The following PRDM11 variants were observed in gnomAD, a reference collection of about 807,000 sequenced individuals.
PRDM11 encodes PR domain-containing protein 11.
Under a neutral mutation model 97.8 loss-of-function variants are expected in PRDM11, and 20 were observed. The ratio of observed to expected loss-of-function variants is 0.20; its 90% CI spans 0.14 to 0.30. The LOEUF (loss-of-function observed/expected upper bound fraction) is 0.30, where lower values mean the gene tolerates loss of function less well. Among genes scored for constraint, PRDM11 ranks in the 10% least tolerant of loss-of-function variants. PRDM11 has a pLI of 1.00. For missense variants in PRDM11, 1,139 were observed against 1,555.2 expected (o/e 0.73, Z 4.50); for synonymous variants, 599 against 637.7 (o/e 0.94, Z 0.91).
rs74473108 is a variant in PRDM11, at chr11:45,191,651, T to C, written c.486+8528T>C. 7.1e-3 allele frequency among the ~76,000 whole-genome samples: 1,079 copies of C among 152,180 alleles called. 12 individuals carry two copies. The highest frequency in any genetic ancestry group is 0.025 in the African/African-American group (1,029 of 41,512). ...CACATCCCCATCATTATTTTAGCAC[T>C]TTTTCCTTACTTTCTGGCACAAAAA... On this transcript the variant is annotated intron_variant, in intron 4 of 7. Coordinates refer to ENST00000683152, the MANE Select transcript of PRDM11 (RefSeq NM_001384648.1).
intron 4 of PRDM11, among the ~76,000 whole-genome samples, chr11:45,191,509 A>T (rs1356131223): frequency 1.6e-4 from 24 of 152,100 alleles, no homozygotes; most frequent in Admixed American, 1.6e-3. Flanking sequence ...TATGAACATG[A>T]ATTCTTTTTT....
intron 4 of PRDM11, among the ~76,000 whole-genome samples, chr11:45,199,332 A>T (rs949008414): frequency 2.0e-5 from 3 of 152,156 alleles, no homozygotes; most frequent in Non-Finnish European, 4.4e-5. Context: ...TTCTTGTCCT[A>T]TCTTAGGACT....
In PRDM11 at chr11:45,229,965, T is replaced by C. The variant is rs1590488555; in HGVS notation, c.*1806T>C. 3 of 152,204 alleles carry C rather than the reference T, an allele frequency of 2.0e-5. No homozygotes were observed. The highest frequency in any genetic ancestry group is 3.9e-4 in the East Asian group (2 of 5,166). 9.4% of individuals were successfully genotyped at this position (152,204 alleles called of 1,614,324 possible). On this transcript the variant is annotated 3_prime_UTR_variant, in exon 8 of 8. Coordinates refer to ENST00000683152, the MANE Select transcript of PRDM11 (RefSeq NM_001384648.1). ...GGCCTCATGCCACCGTTGAGAACCA[T>C]AGTGGAAATGTCATCAACACTGAAC... is the stretch of plus-strand genomic sequence containing the variant.
upstream of PRDM11, among the ~76,000 whole-genome samples, chr11:45,144,994 C>T (rs766958432): frequency 6.6e-6 from 1 of 152,080 alleles, no homozygotes; most frequent in Non-Finnish European, 1.5e-5. Context: ...CCCCAACCCC[C>T]GTCCCCCAGT....
intron 4 of PRDM11, among the ~76,000 whole-genome samples, chr11:45,188,574 G>T (rs1032099632): frequency 6.6e-6 from 1 of 152,212 alleles, no homozygotes. Flanking sequence ...CTGACTTTGG[G>T]CAGAGTGGTA....
At position 45,148,079 on chromosome 11, in the gene PRDM11, G is replaced by A. The variant is rs139267409; in HGVS notation, c.-7+1202G>A. On this transcript the variant is annotated intron_variant, in intron 1 of 7. Coordinates refer to ENST00000683152, the MANE Select transcript of PRDM11 (RefSeq NM_001384648.1). The stretch of plus-strand genomic sequence containing the variant: ...CTAGGGTCATTGTTGGAGGTGTAGG[G>A]TCGTAGTTGGGGAGCAGGGCACAGT... 9.3e-4 allele frequency among the ~76,000 whole-genome samples: 141 copies of A among 152,228 alleles called. 1 individual carries two copies. The highest frequency in any genetic ancestry group is 1.8e-3 in the Non-Finnish European group (123 of 68,006).
chr11:45,183,253 G>GGATCTTGCT, intron 4 of PRDM11, 130 bp downstream of exon 4: 1 of 1,255,952 alleles, frequency 8.0e-7, no homozygotes, highest in Non-Finnish European at 1.1e-6. Context: ...TGTCGATGAT[G>GGATCTTGCT]GATCTTGCTG....
At chr11:45,133,495 C>T (rs752297519) in intron 1 of PRDM11, among the ~76,000 whole-genome samples, 4 of 152,214 alleles carry the variant, frequency 2.6e-5, no homozygotes, top group Non-Finnish European at 5.9e-5. Flanking sequence ...AGACATATTT[C>T]TGATGATATT....
intron 1 of PRDM11, among the ~76,000 whole-genome samples, chr11:45,171,988 C>G (rs1852213320): frequency 6.6e-6 from 1 of 152,200 alleles, no homozygotes; most frequent in Non-Finnish European, 1.5e-5. Context: ...ACAAGACTGC[C>G]CTCAATTCAG....
intron 1 of PRDM11, among the ~76,000 whole-genome samples, chr11:45,125,689 A>T (rs1852552699): frequency 6.6e-6 from 1 of 152,170 alleles, no homozygotes; most frequent in Non-Finnish European, 1.5e-5. Context: ...GTTTGATTGC[A>T]CTGTGGTTTG....
intron 5 of PRDM11, among the ~76,000 whole-genome samples, chr11:45,210,357 C>G (rs948235580): frequency 6.6e-6 from 1 of 152,228 alleles, no homozygotes; most frequent in East Asian, 1.9e-4. Flanking sequence ...CCCCAGCGGC[C>G]GAGGCGGGTG....
At chr11:45,157,715 C>T (rs1851835102) in intron 1 of PRDM11, among the ~76,000 whole-genome samples, 2 of 152,234 alleles carry the variant, frequency 1.3e-5, no homozygotes. Context: ...CATGGCCTTT[C>T]CAGGCTGGCC....
chr11:45,118,000 C>T (rs1852340528), intron 1 of PRDM11, among the ~76,000 whole-genome samples: 1 of 151,894 alleles, frequency 6.6e-6, no homozygotes, highest in Admixed American at 6.6e-5. Flanking sequence ...TGATTTTCCA[C>T]CCAATAAACC....
intron 1 of PRDM11, among the ~76,000 whole-genome samples, chr11:45,153,118 A>G (rs1851701213): frequency 6.6e-6 from 1 of 152,256 alleles, no homozygotes; most frequent in Non-Finnish European, 1.5e-5. Flanking sequence ...AGCGAAGGTC[A>G]GAGCAGATGG....
chr11:45,181,716 T>C (rs1438378792), intron 1 of PRDM11, 45 bp from the exon 2 acceptor site: 1 of 1,546,828 alleles, frequency 6.5e-7, no homozygotes, highest in Non-Finnish European at 8.9e-7. Flanking sequence ...CTTCCCCTGT[T>C]TCTTTGATCC....
chr11:45,197,021 G>A (rs958665590), intron 4 of PRDM11, among the ~76,000 whole-genome samples: 8 of 150,798 alleles, frequency 5.3e-5, no homozygotes, highest in African/African-American at 1.7e-4. Flanking sequence ...ATCACAGCCA[G>A]CTTTAGTATC....
chr11:45,210,208 T>C (rs1853676378), intron 5 of PRDM11, among the ~76,000 whole-genome samples: 1 of 152,178 alleles, frequency 6.6e-6, no homozygotes, highest in African/African-American at 2.4e-5. Context: ...TGCCCCCACT[T>C]TTCTGTGTGC....
intron 1 of PRDM11, among the ~76,000 whole-genome samples, chr11:45,123,418 C>T (rs201231177): frequency 6.6e-6 from 1 of 150,850 alleles, no homozygotes; most frequent in Non-Finnish European, 1.5e-5. Flanking sequence ...AGTCCTTGCC[C>T]ATGCCTATGT....
chr11:45,225,971 G>T, intron 7 of PRDM11, 24 bp from the exon 8 acceptor site: 1 of 1,465,346 alleles, frequency 6.8e-7, no homozygotes, highest in Non-Finnish European at 9.0e-7. Context: ...AGGTATAAAT[G>T]TTTCTTTCCC....
Sources: gnomAD v4.1 joint callset for allele counts (sites outside exome capture counted in the v4.1 genomes callset) on GRCh38, gnomAD v4.1.1 for gene constraint, MANE v1.5 for transcripts, NCBI Gene and HGNC (gene_info 2026-07-23, HGNC 2026-07-21) for gene names.